The following SMYD3 variants were observed in gnomAD, a reference collection of about 807,000 sequenced individuals.
The protein encoded by SMYD3 is histone-lysine N-methyltransferase SMYD3.
Under a neutral mutation model 57.7 loss-of-function variants are expected in SMYD3, and 36 were observed. That is an observed-to-expected ratio of 0.62 (90% CI 0.48 to 0.82). The LOEUF is 0.82. Among genes scored for constraint, SMYD3 ranks in the 40% least tolerant of loss-of-function variants. SMYD3 has a pLI of 0.00. For synonymous variants in SMYD3, 211 were observed against 195.0 expected (o/e 1.08, Z -0.68); for missense variants, 515 against 538.8 (o/e 0.96, Z 0.44).
chr1:245,816,571 C>T (rs1166305640), intron 10 of SMYD3, among the ~76,000 whole-genome samples: 1 of 151,178 alleles, frequency 6.6e-6, no homozygotes, highest in Non-Finnish European at 1.5e-5. Flanking sequence ...AGGAACAGCT[C>T]CAGTCTACAG....
At chr1:246,077,542 AAAG>A (rs1020629961) in intron 5 of SMYD3, among the ~76,000 whole-genome samples, 2 of 152,098 alleles carry the variant, frequency 1.3e-5, no homozygotes, top group Admixed American at 1.3e-4. Context: ...AATTTAAAAA[AAAG>A]AGAGAAGAGG....
chr1:246,209,812 A>G (rs1425173189), intron 5 of SMYD3, among the ~76,000 whole-genome samples: 1 of 152,156 alleles, frequency 6.6e-6, no homozygotes, highest in Non-Finnish European at 1.5e-5. Flanking sequence ...CAGTTTCTGG[A>G]AAGAACTCAA....
chr1:245,853,870 C>T (rs4654136), intron 10 of SMYD3, among the ~76,000 whole-genome samples: 118,456 of 151,994 alleles, frequency 0.78, 47,773 homozygotes, highest in Non-Finnish European at 0.9. Flanking sequence ...TCCACCTGCC[C>T]CCATTTTTTC....
intron 1 of SMYD3, among the ~76,000 whole-genome samples, chr1:246,422,110 T>C (rs143470080): frequency 8.5e-5 from 13 of 152,274 alleles, no homozygotes; most frequent in African/African-American, 3.1e-4. Flanking sequence ...GGAGACAGAA[T>C]AGCATGACAC....
intron 2 of SMYD3, among the ~76,000 whole-genome samples, chr1:246,338,293 G>T (rs1490126876): frequency 6.6e-6 from 1 of 152,148 alleles, no homozygotes; most frequent in Non-Finnish European, 1.5e-5. Flanking sequence ...GGCTTACAAA[G>T]AAATCTTTTT....
At chr1:245,941,772 C>T (rs2057254528) in intron 5 of SMYD3, among the ~76,000 whole-genome samples, 1 of 152,200 alleles carries the variant, frequency 6.6e-6, no homozygotes, top group Non-Finnish European at 1.5e-5. Flanking sequence ...ATCTGCCTGC[C>T]TCAGCCTCCC....
intron 5 of SMYD3, among the ~76,000 whole-genome samples, chr1:246,085,921 C>T (rs761040831): frequency 7.2e-5 from 11 of 151,778 alleles, no homozygotes; most frequent in Non-Finnish European, 1.5e-4. Context: ...AAATATTTTT[C>T]CTTGGTGAAA....
intron 1 of SMYD3, among the ~76,000 whole-genome samples, chr1:246,385,726 C>A (rs941686783): frequency 7.9e-5 from 12 of 152,128 alleles, no homozygotes; most frequent in Non-Finnish European, 1.6e-4. Context: ...CTGTGTAGAG[C>A]GGTGCTTTTC....
chr1:245,942,126 C>T (rs778275514), intron 5 of SMYD3, among the ~76,000 whole-genome samples: 23 of 152,126 alleles, frequency 1.5e-4, no homozygotes, highest in Non-Finnish European at 3.2e-4. Context: ...TCACACATAA[C>T]AATATTAACC....
chr1:245,978,730 C>T (rs2058518292), intron 5 of SMYD3, among the ~76,000 whole-genome samples: 1 of 152,144 alleles, frequency 6.6e-6, no homozygotes, highest in Non-Finnish European at 1.5e-5. Flanking sequence ...CTTTGTCTCT[C>T]GTCAGCAATG....
chr1:246,158,160 C>G (rs936917053), intron 5 of SMYD3, among the ~76,000 whole-genome samples: 1 of 152,190 alleles, frequency 6.6e-6, no homozygotes, highest in African/African-American at 2.4e-5. Flanking sequence ...GACATCTTAT[C>G]CTGAATGCTG....
chr1:246,160,486 C>A (rs2062098611), intron 5 of SMYD3, among the ~76,000 whole-genome samples: 2 of 152,282 alleles, frequency 1.3e-5, no homozygotes, highest in East Asian at 3.9e-4. Flanking sequence ...CCTGCCAGTT[C>A]CTCGGTGCTG....
At chr1:246,223,164 A>G (rs2063281529) in intron 5 of SMYD3, among the ~76,000 whole-genome samples, 1 of 152,150 alleles carries the variant, frequency 6.6e-6, no homozygotes, top group Non-Finnish European at 1.5e-5. Context: ...CTCAGGAAAG[A>G]GAGTCTCCTG....
chr1:246,090,927 C>T (rs1168135800), intron 5 of SMYD3, among the ~76,000 whole-genome samples: 3 of 152,274 alleles, frequency 2.0e-5, no homozygotes, highest in Non-Finnish European at 2.9e-5. Flanking sequence ...CCCCAGACAA[C>T]GTAGCCACTT....
At chr1:246,353,184 G>A (rs2065859259) in intron 2 of SMYD3, among the ~76,000 whole-genome samples, 1 of 152,094 alleles carries the variant, frequency 6.6e-6, no homozygotes, top group Non-Finnish European at 1.5e-5. Context: ...TAAAAAATGA[G>A]GTAGAAATAA....
chr1:246,240,461 G>C (rs1572263852), intron 5 of SMYD3, among the ~76,000 whole-genome samples: 1 of 152,032 alleles, frequency 6.6e-6, no homozygotes, highest in East Asian at 1.9e-4. Context: ...TCTCTGTTTT[G>C]GTACCAGGAC....
intron 5 of SMYD3, among the ~76,000 whole-genome samples, chr1:246,278,326 T>G (rs1045909035): frequency 6.6e-6 from 1 of 151,634 alleles, no homozygotes; most frequent in African/African-American, 2.4e-5. Flanking sequence ...GTGCAGGCCT[T>G]TGTACAATCC....
In SMYD3 at chr1:246,507,123, C is replaced by G. The variant is rs1444398793; in HGVS notation, c.95G>C (p.Arg32Pro). 6.5e-7 allele frequency: 1 copy of G among 1,533,854 alleles called. No individual in the cohort carries two copies. The highest frequency in any genetic ancestry group is 8.8e-7 in the Non-Finnish European group (1 of 1,140,300). ...CACCGTGTACGCCAAGGGATCCGAG[C>G]GGAAGAGTAGCTCTCCGGGGCGCAG... is the stretch of plus-strand genomic sequence containing the variant. ...TPLRPGELLF[R>P]SDPLAYTVCK... The change falls in exon 1 of 12, where the codon CGC becomes CCC. Residue 32 changes from arginine (R) to proline (P), a missense_variant. Transcript: ENST00000490107.
chr1:245,943,846 AAAT>A (rs2057343362), intron 5 of SMYD3, among the ~76,000 whole-genome samples: 1 of 152,210 alleles, frequency 6.6e-6, no homozygotes, highest in African/African-American at 2.4e-5. Flanking sequence ...ATCGGTAAAT[AAAT>A]GTAATTCATC....
Sources: allele counts gnomAD v4.1 joint callset (sites outside exome capture counted in the v4.1 genomes callset), GRCh38; gene constraint gnomAD v4.1.1; transcripts MANE v1.5; gene names NCBI Gene and HGNC (gene_info 2026-07-23, HGNC 2026-07-21).